Variants in CCDC149 observed in about 807,000 individuals in gnomAD.
CCDC149 encodes coiled-coil domain-containing protein 149.
A neutral mutation model predicts 59.9 loss-of-function variants in CCDC149; 45 were observed. The observed-to-expected ratio is 0.75, with a 90% CI of 0.59 to 0.96. The LOEUF is 0.96. CCDC149 is among the 40% of genes least tolerant of loss of function. The pLI is 0.00. For synonymous variants in CCDC149, 245 were observed against 260.6 expected (o/e 0.94, Z 0.58); for missense variants, 584 against 664.7 (o/e 0.88, Z 1.33).
chr4:24,936,867 C>T (rs1413920148), intron 1 of CCDC149, among the ~76,000 whole-genome samples: 3 of 152,198 alleles, frequency 2.0e-5, no homozygotes, highest in Non-Finnish European at 4.4e-5. Flanking sequence ...GGCTGGCAAG[C>T]TTTTGTGGTG....
chr4:24,880,952 T>C lies in CCDC149; in HGVS notation c.64-4255A>G, dbSNP rs531706096. ...CCACGATTTCAACACCACTGTCGAA[T>C]ATCACTGGATGTAAAAAGTGCAGGA... On this transcript the variant is annotated intron_variant, in intron 1 of 12. Transcript: ENST00000635206. Among the ~76,000 whole-genome samples, 25 of 152,330 alleles carry C rather than the reference T, an allele frequency of 1.6e-4. No homozygotes were observed. In the South Asian group the frequency reaches 5.2e-3, roughly 32 times the overall value.
intron 9 of CCDC149, chr4:24,828,582 A>C (rs1456339517): frequency 6.6e-6 from 1 of 152,192 alleles, no homozygotes; most frequent in Admixed American, 6.5e-5. Context: ...GTTTGAGACC[A>C]GCCTGGGCAA....
In CCDC149 at chr4:24,873,836, C is replaced by T. The variant is rs566396472; in HGVS notation, c.226-117G>A. ...GACTCTCCCCACCCTCCCCACCCTG[C>T]AGCCAGTAATGTGCTGAAGCAAGCT... On this transcript the variant is annotated intron_variant, in intron 2 of 12. Coordinates refer to ENST00000635206, the MANE Select transcript of CCDC149 (RefSeq NM_001330643.2). 17 of 712,158 alleles carry T rather than the reference C, an allele frequency of 2.4e-5. No individual in the cohort carries two copies. In the East Asian group the frequency reaches 4.2e-4, roughly 18 times the overall value. The allele number at this position is 712,158 out of a possible 1,614,324, so 44.1% of individuals were successfully genotyped here. A position where few individuals can be genotyped will look rare whatever the true frequency, so the allele number is the denominator to read the frequency against.
chr4:24,952,503 A>T (rs1465956320), intron 1 of CCDC149, among the ~76,000 whole-genome samples: 1 of 148,406 alleles, frequency 6.7e-6, no homozygotes, highest in East Asian at 2.0e-4. Flanking sequence ...GAGACAGGAG[A>T]ATTGCTTGAA....
chr4:24,873,024 A>G (rs994896127), intron 3 of CCDC149, among the ~76,000 whole-genome samples: 1 of 144,136 alleles, frequency 6.9e-6, no homozygotes, highest in African/African-American at 2.9e-5. Context: ...AGTGGTATGC[A>G]CCCACCAAAT....
intron 1 of CCDC149, among the ~76,000 whole-genome samples, chr4:24,902,664 G>C (rs1315058353): frequency 1.3e-5 from 2 of 152,284 alleles, no homozygotes; most frequent in East Asian, 3.9e-4. Flanking sequence ...GCCTACATTA[G>C]TGTCTAAGAT....
intron 2 of CCDC149, among the ~76,000 whole-genome samples, 168 bp downstream of exon 2, chr4:24,876,368 A>C (rs1423108182): frequency 6.6e-6 from 1 of 151,022 alleles, no homozygotes; most frequent in African/African-American, 2.4e-5. Flanking sequence ...TTAACTTGTG[A>C]GTGGGACTGG....
At chr4:24,978,812 T>C (rs1455614463) in intron 1 of CCDC149, among the ~76,000 whole-genome samples, 3 of 152,226 alleles carry the variant, frequency 2.0e-5, no homozygotes, top group Non-Finnish European at 4.4e-5. Context: ...ACTGGTTTCC[T>C]TTGGTAAAAT....
At chr4:24,960,751 A>G (rs1560270180) in intron 1 of CCDC149, among the ~76,000 whole-genome samples, 2 of 152,240 alleles carry the variant, frequency 1.3e-5, no homozygotes, top group Admixed American at 6.5e-5. Flanking sequence ...TTAAAAATAC[A>G]TAAAACAAAA....
intron 3 of CCDC149, among the ~76,000 whole-genome samples, chr4:24,869,295 T>C (rs1454787947): frequency 6.6e-6 from 1 of 152,114 alleles, no homozygotes; most frequent in African/African-American, 2.4e-5. Flanking sequence ...CCAGCTGCAG[T>C]TGGCAGTCAC....
intron 4 of CCDC149, among the ~76,000 whole-genome samples, chr4:24,842,299 A>G (rs759311314): frequency 1.4e-4 from 21 of 152,164 alleles, no homozygotes; most frequent in Non-Finnish European, 2.8e-4. Flanking sequence ...TCCTCCATGT[A>G]TGTTTCCCCA....
Position 24,837,301 on chromosome 4 carries a change from G to A in CCDC149, c.589C>T (p.Gln197Ter), listed in dbSNP as rs762264627. ...CCACTCAGGATATGGTTCAGCTCCT[G>A]GTTGAGCCTCTCCACTTTGTCCTGG... is the stretch of plus-strand genomic sequence containing the variant. The change falls in exon 6 of 13, where the codon CAG (glutamine) becomes TAG (stop). Residue 197 changes from glutamine to a stop codon, truncating the protein, a stop_gained. Transcript: ENST00000635206. LOFTEE classifies it high-confidence loss of function. The surrounding 1 kb of genome is among the most constrained non-coding windows in gnomAD (Gnocchi z 4.3). The A allele has an allele frequency of 1.9e-6, 3 of 1,614,140 alleles. No homozygotes were observed. In the South Asian group the frequency reaches 3.3e-5, roughly 18 times the overall value.
chr4:24,808,819 C>G lies in CCDC149; in HGVS notation c.1193G>C (p.Gly398Ala), dbSNP rs756727631. The G allele has an allele frequency of 1.9e-6, 3 of 1,544,328 alleles. No individual in the cohort carries two copies. The highest frequency in any genetic ancestry group is 2.0e-5 in the Admixed American group (1 of 49,574). The stretch of plus-strand genomic sequence containing the variant: ...ATCTTCTTCTTGCTTCTGAGCCTCC[C>G]CTGAAAACAGAACGAGGACAACATT... The change falls in exon 13 of 13, where the codon GGG (glycine) becomes GCG (alanine). Residue 398 changes from glycine (G) to alanine (A), a missense_variant and splice_region_variant. Physicochemically the swap from Gly to Ala is moderately conservative, Grantham distance 60. Coordinates refer to ENST00000635206, the MANE Select transcript of CCDC149 (RefSeq NM_001330643.2).
At chr4:24,893,758 T>G (rs1420595800) in intron 1 of CCDC149, among the ~76,000 whole-genome samples, 2 of 151,236 alleles carry the variant, frequency 1.3e-5, no homozygotes, top group East Asian at 1.9e-4. Flanking sequence ...GCTGGGATTA[T>G]AGGCACCCAC....
At chr4:24,972,719 A>G (rs943547065) in intron 1 of CCDC149, among the ~76,000 whole-genome samples, 11 of 152,188 alleles carry the variant, frequency 7.2e-5, no homozygotes, top group African/African-American at 2.4e-4. Context: ...TGACTTTCCA[A>G]TCTGACCCTG....
At chr4:24,903,800 C>CTT (rs11344947) in intron 1 of CCDC149, among the ~76,000 whole-genome samples, 1 of 124,476 alleles carries the variant, frequency 8.0e-6, no homozygotes, top group South Asian at 2.6e-4. Context: ...TAATTTTTAG[C>CTT]TTTTTTTTTT....
chr4:24,841,394 T>C (rs1560212554), intron 4 of CCDC149, among the ~76,000 whole-genome samples: 1 of 152,260 alleles, frequency 6.6e-6, no homozygotes, highest in South Asian at 2.1e-4. Context: ...GACAGCCATA[T>C]AAGAGTCATC....
In CCDC149 at chr4:24,878,219, A is replaced by T. The variant is rs1370747830; in HGVS notation, c.64-1522T>A. On this transcript the variant is annotated intron_variant, in intron 1 of 12. Coordinates refer to ENST00000635206, the MANE Select transcript of CCDC149 (RefSeq NM_001330643.2). ...GCATTTGCACAATTTTTTTTCCTAA[A>T]AAAAAAAAAAAAAAAAAAAGAAAGT... is the stretch of plus-strand genomic sequence containing the variant. Among the ~76,000 whole-genome samples, 33 of 98,438 alleles carry T rather than the reference A, an allele frequency of 3.4e-4. No individual in the cohort carries two copies. In the Admixed American group the frequency reaches 3.8e-3, roughly 11 times the overall value. 64.6% of individuals were successfully genotyped at this position (98,438 alleles called of 152,430 possible).
Position 24,873,683 on chromosome 4 carries a change from G to C in CCDC149, c.262C>G (p.Gln88Glu). 1 of 1,604,432 alleles carries C rather than the reference G, an allele frequency of 6.2e-7. No homozygotes were observed. The highest frequency in any genetic ancestry group is 8.5e-7 in the Non-Finnish European group (1 of 1,171,488). ...CTGAGATCAGAAATAAGTCTTACCT[G>C]TTTCCTTTTTTCAGGAGGAAGTGAT... The change falls in exon 3 of 13, where the codon CAG (glutamine) becomes GAG (glutamate). Residue 88 changes from glutamine (Q) to glutamate (E), a missense_variant and splice_region_variant. Physicochemically the swap from Gln to Glu is conservative, Grantham distance 29. Coordinates refer to ENST00000635206, the MANE Select transcript of CCDC149 (RefSeq NM_001330643.2).
Sources: gnomAD v4.1 joint callset for allele counts (sites outside exome capture counted in the v4.1 genomes callset) on GRCh38, gnomAD v4.1.1 for gene constraint, Gnocchi (gnomAD v3.1) non-coding constraint, MANE v1.5 for transcripts, NCBI Gene and HGNC (gene_info 2026-07-23, HGNC 2026-07-21) for gene names.